The following CHRNB1 variants were observed in gnomAD, a reference collection of about 807,000 sequenced individuals.
CHRNB1 encodes acetylcholine receptor subunit beta.
CHRNB1 carries 47 observed loss-of-function variants against 53.8 expected under a neutral mutation model. The observed-to-expected ratio is 0.87, with a 90% CI of 0.69 to 1.11. The LOEUF (loss-of-function observed/expected upper bound fraction) is 1.11, where lower values mean the gene tolerates loss of function less well. Among genes scored for constraint, CHRNB1 ranks in the 50% most tolerant of loss-of-function variants. The pLI is 0.00. For synonymous variants in CHRNB1, 259 were observed against 263.5 expected (o/e 0.98, Z 0.16); for missense variants, 605 against 654.9 (o/e 0.92, Z 0.83).
Position 7,445,070 on chromosome 17 carries a change from C to T in CHRNB1, c.-58C>T. The T allele has an allele frequency of 6.4e-7, 1 of 1,573,528 alleles. No individual in the cohort carries two copies. On this transcript the variant is annotated 5_prime_UTR_variant, in exon 1 of 11. Coordinates refer to ENST00000306071, the MANE Select transcript of CHRNB1 (RefSeq NM_000747.3). This position sits in a 1 kb window ranked among gnomAD's most constrained non-coding sequence, Gnocchi z 5.7. ...CATTCCCGGGCTCCTCGTCACTTCC[C>T]CTGTGCTGGCGGTCCCAGCGGCTCT...
chr17:7,456,051 T>TTTTTTTTGGC, intron 10 of CHRNB1, 110 bp downstream of exon 10: 1 of 152,574 alleles, frequency 6.6e-6, no homozygotes, highest in East Asian at 9.2e-5. Flanking sequence ...TTTTTTGGCT[T>TTTTTTTTGGC]TTTTTTTTTT....
chr17:7,445,802 G>A lies in CHRNB1; in HGVS notation c.199-267G>A. The A allele has an allele frequency of 1.6e-6, 1 of 624,172 alleles. No individual in the cohort carries two copies. The highest frequency in any genetic ancestry group is 2.0e-5 in the South Asian group (1 of 51,052). 38.7% of individuals were successfully genotyped at this position (624,172 alleles called of 1,614,324 possible). ...GGGGCTGGGTGGATTATGAGCTGAA[G>A]GCAGGGCCGGGGACAGAGCTAGGCG... is the stretch of plus-strand genomic sequence containing the variant. On this transcript the variant is annotated intron_variant, in intron 2 of 10. Coordinates refer to ENST00000306071, the MANE Select transcript of CHRNB1 (RefSeq NM_000747.3). The surrounding 1 kb of genome is among the most constrained non-coding windows in gnomAD (Gnocchi z 5.7).
rs58239884 is a variant in CHRNB1, at chr17:7,446,327, CTG to C, written c.243+259_243+260del. 4.0e-3 allele frequency: 929 copies of C among 234,978 alleles called. 5 individuals carry two copies. Among genetic ancestry groups the C allele is most frequent in the East Asian group, 0.017 (178 of 10,680 alleles). The allele number at this position is 234,978 out of a possible 1,614,324, so 14.6% of individuals were successfully genotyped here. A position where few individuals can be genotyped will look rare whatever the true frequency, so the allele number is the denominator to read the frequency against. ...TTTGTGTGTGTGTGTGTGTGTGTGTCTGTGTGTGTGTGTGTGTGTGTGTGTGT... is the reference window on the plus strand; with the variant it reads ...TTTGTGTGTGTGTGTGTGTGTGTGTCTGTGTGTGTGTGTGTGTGTGTGTGT... On this transcript the variant is annotated intron_variant, in intron 3 of 10. Coordinates refer to ENST00000306071, the MANE Select transcript of CHRNB1 (RefSeq NM_000747.3).
Position 7,448,604 on chromosome 17 carries a change from C to T in CHRNB1, c.636C>T (p.His212=), listed in dbSNP as rs779710075. The change falls in exon 7 of 11, where the codon CAC becomes CAT. Residue 212 remains histidine (H), a synonymous_variant. Coordinates refer to ENST00000306071, the MANE Select transcript of CHRNB1 (RefSeq NM_000747.3). ...AGAATGGCCAGTGGGAGATTATCCACAAGCCCTCTCGGCTAATCCAGCCTC... is the reference window on the plus strand; with the variant it reads ...AGAATGGCCAGTGGGAGATTATCCATAAGCCCTCTCGGCTAATCCAGCCTC... The part of the protein sequence containing the change: ...FIENGQWEII[H]KPSRLIQPPG... The T allele has an allele frequency of 1.9e-6, 3 of 1,614,174 alleles. 1 individual carries two copies. Among genetic ancestry groups the T allele is most frequent in the South Asian group, 2.2e-5 (2 of 91,082 alleles).
At chr17:7,447,224 C>A in intron 5 of CHRNB1, 73 bp downstream of exon 5, 2 of 1,283,250 alleles carry the variant, frequency 1.6e-6, no homozygotes, top group Non-Finnish European at 2.2e-6. Context: ...CCTGACTCCC[C>A]GGCGACTCCC....
chr17:7,447,234 C>T, intron 5 of CHRNB1, 83 bp downstream of exon 5: 1 of 1,111,232 alleles, frequency 9.0e-7, no homozygotes, highest in Non-Finnish European at 1.3e-6. Context: ...CGGCGACTCC[C>T]ATCCTTCATC....
At chr17:7,455,516 G>A (rs981444851) in intron 9 of CHRNB1, 60 bp downstream of exon 9, 1 of 1,600,952 alleles carries the variant, frequency 6.2e-7, no homozygotes. Context: ...TCCCAGAAGA[G>A]TGTGCGGAAG....
intron 3 of CHRNB1, 63 bp downstream of exon 3, chr17:7,446,176 C>A: frequency 7.3e-7 from 1 of 1,364,430 alleles, no homozygotes; most frequent in Non-Finnish European, 1.0e-6. Flanking sequence ...CTTGAATATC[C>A]AGCCCAGTAA....
chr17:7,446,036 T>G (rs1410075423), intron 2 of CHRNB1, 33 bp from the exon 3 acceptor site: 1 of 1,610,224 alleles, frequency 6.2e-7, no homozygotes, highest in Non-Finnish European at 8.5e-7. Context: ...TCCACCCTAC[T>G]TCACCTTTAC....
chr17:7,456,810 A>T lies in CHRNB1; in HGVS notation c.*87A>T. The T allele has an allele frequency of 1.3e-6, 2 of 1,556,326 alleles. No individual in the cohort carries two copies. Among genetic ancestry groups the T allele is most frequent in the South Asian group, 1.1e-5 (1 of 89,046 alleles). On this transcript the variant is annotated 3_prime_UTR_variant, in exon 11 of 11. Transcript: ENST00000306071. Reference sequence around the variant, plus strand: ...AAGCCCTATCCTTCTCTGCCTCTTAACTCCTTCACGAGGAATCTGGGCCTC... The same window carrying T: ...AAGCCCTATCCTTCTCTGCCTCTTATCTCCTTCACGAGGAATCTGGGCCTC...
intron 6 of CHRNB1, among the ~76,000 whole-genome samples, chr17:7,448,360 T>C (rs941120199): frequency 6.6e-6 from 1 of 152,170 alleles, no homozygotes; most frequent in Non-Finnish European, 1.5e-5. Context: ...CACTCCAACC[T>C]GGGCAACAAG....
chr17:7,448,921 G>A, intron 7 of CHRNB1, 133 bp downstream of exon 7: 1 of 920,238 alleles, frequency 1.1e-6, no homozygotes, highest in Non-Finnish European at 1.7e-6. Flanking sequence ...CCCAGGCTCT[G>A]CCTCCCGTTG....
chr17:7,456,436 C>T, intron 10 of CHRNB1, 147 bp from the exon 11 acceptor site: 3 of 954,272 alleles, frequency 3.1e-6, no homozygotes, highest in Non-Finnish European at 5.0e-6. Context: ...CATGCATTGC[C>T]TGCAGTCTCG....
chr17:7,449,402 C>CTTT (rs769505757), intron 7 of CHRNB1, among the ~76,000 whole-genome samples: 116 of 89,068 alleles, frequency 1.3e-3, no homozygotes, highest in East Asian at 4.9e-3. Context: ...AGGGCCCGAC[C>CTTT]TTTTTTTTTT....
At position 7,446,954 on chromosome 17, in the gene CHRNB1, T is replaced by C; in HGVS notation, c.353+12T>C. 1 of 1,232,232 alleles carries C rather than the reference T, an allele frequency of 8.1e-7. No individual in the cohort carries two copies. The highest frequency in any genetic ancestry group is 1.2e-6 in the Non-Finnish European group (1 of 856,398). 76.3% of individuals were successfully genotyped at this position (1,232,232 alleles called of 1,614,324 possible). On this transcript the variant is annotated intron_variant, in intron 4 of 10. Coordinates refer to ENST00000306071, the MANE Select transcript of CHRNB1 (RefSeq NM_000747.3). ...GTGCTACTGAACAAGTAGGAGAACT[T>C]CCAAAGCCCGGGAGGTGGCGCGGGG...
intron 2 of CHRNB1, 63 bp from the exon 3 acceptor site, chr17:7,446,006 C>T: frequency 6.7e-7 from 1 of 1,495,432 alleles, no homozygotes; most frequent in Non-Finnish European, 9.3e-7. Context: ...AGGTTGGCCC[C>T]CCGAGCCCCC....
At position 7,446,317 on chromosome 17, in the gene CHRNB1, GTGTGTGTGTC is replaced by G. The variant is rs758667065; in HGVS notation, c.243+214_243+223del. The G allele has an allele frequency of 0.077, 27,892 of 362,388 alleles. 444 individuals are homozygous for G. The highest frequency in any genetic ancestry group is 0.092 in the Admixed American group (1,433 of 15,526). 22.4% of individuals were successfully genotyped at this position (362,388 alleles called of 1,614,324 possible). On this transcript the variant is annotated intron_variant, in intron 3 of 10. Coordinates refer to ENST00000306071, the MANE Select transcript of CHRNB1 (RefSeq NM_000747.3). ...TAATTCCAATTTTGTGTGTGTGTGT[GTGTGTGTGTC>G]TGTGTGTGTGTGTGTGTGTGTGTGT...
intron 6 of CHRNB1, among the ~76,000 whole-genome samples, chr17:7,448,118 G>A (rs1052496618): frequency 6.8e-6 from 1 of 146,824 alleles, no homozygotes; most frequent in South Asian, 2.2e-4. Flanking sequence ...TGGCGCAGTG[G>A]CTCACGACTT....
chr17:7,447,599 C>G lies in CHRNB1; in HGVS notation c.559C>G (p.Pro187Ala), dbSNP rs971899831. The change falls in exon 6 of 11, where the codon CCT (proline) becomes GCT (alanine). Residue 187 changes from proline to alanine, a missense_variant. Physicochemically the swap from Pro to Ala is conservative, Grantham distance 27 (BLOSUM62 -1). Transcript: ENST00000306071. Reference protein sequence around the residue: ...SEVSLQTGLGPDGQGHQEIHI... With the variant: ...SEVSLQTGLGADGQGHQEIHI... Reference sequence around the variant, plus strand: ...GGTCAGCCTGCAGACAGGCCTGGGTCCTGACGGGCAAGGGCATCAGGAAAT... The same window carrying G: ...GGTCAGCCTGCAGACAGGCCTGGGTGCTGACGGGCAAGGGCATCAGGAAAT... 3 of 1,614,206 alleles carry G rather than the reference C, an allele frequency of 1.9e-6. No individual in the cohort carries two copies. Among genetic ancestry groups the G allele is most frequent in the Non-Finnish European group, 2.5e-6 (3 of 1,180,038 alleles).
Sources: gnomAD v4.1 joint callset for allele counts (sites outside exome capture counted in the v4.1 genomes callset) on GRCh38, gnomAD v4.1.1 for gene constraint, Gnocchi (gnomAD v3.1) non-coding constraint, MANE v1.5 for transcripts, NCBI Gene and HGNC (gene_info 2026-07-23, HGNC 2026-07-21) for gene names.